Variants in MALRD1 observed in about 807,000 individuals in gnomAD.
MALRD1 encodes MAM and LDL receptor class A domain containing 1, also known as MAM and LDL-receptor class A domain-containing protein 1.
Under a neutral mutation model 242.1 loss-of-function variants are expected in MALRD1, and 247 were observed. The observed-to-expected ratio is 1.02, with a 90% CI of 0.92 to 1.13. The LOEUF is 1.13. Among genes scored for constraint, MALRD1 ranks in the 50% most tolerant of loss-of-function variants. The pLI, the probability that MALRD1 is intolerant of heterozygous loss-of-function variation, is 0.00. For missense variants in MALRD1, 2,989 were observed against 2,533.1 expected (o/e 1.18, Z -3.86); for synonymous variants, 995 against 866.6 (o/e 1.15, Z -2.60).
intron 2 of MALRD1, among the ~76,000 whole-genome samples, chr10:19,085,359 A>G (rs1174701823): frequency 1.3e-5 from 2 of 152,026 alleles, no homozygotes; most frequent in African/African-American, 4.8e-5. Context: ...AAGAAATTCT[A>G]TACTCATACT....
intron 31 of MALRD1, among the ~76,000 whole-genome samples, chr10:19,525,024 C>A (rs533656070): frequency 6.6e-6 from 1 of 152,032 alleles, no homozygotes; most frequent in South Asian, 2.1e-4. Flanking sequence ...CCTGCCTCAG[C>A]CTCCCAAGTA....
chr10:19,204,328 A>G lies in MALRD1; in HGVS notation c.2125A>G (p.Lys709Glu), dbSNP rs532161352. The G allele has an allele frequency of 1.8e-5, 28 of 1,531,336 alleles. No individual in the cohort carries two copies. Among genetic ancestry groups the G allele is most frequent in the South Asian group, 1.6e-4 (13 of 82,714 alleles). 94.9% of individuals were successfully genotyped at this position (1,531,336 alleles called of 1,614,324 possible). The change falls in exon 16 of 40, where the codon AAG becomes GAG. Residue 709 changes from lysine to glutamate, a missense_variant. Coordinates refer to ENST00000454679, the MANE Select transcript of MALRD1 (RefSeq NM_001142308.3). ...AACAGGGCATTTTATGTTCATTCTG[A>G]AGAAAAGCAGCAGCTTGTGGCAAGT... ...ASQGHFMFIL[K>E]KSSSLWQVAK...
intron 34 of MALRD1, among the ~76,000 whole-genome samples, chr10:19,604,152 A>G (rs549184706): frequency 7.9e-4 from 120 of 152,326 alleles, no homozygotes; most frequent in Admixed American, 1.7e-3. Context: ...GTGAATGTGA[A>G]GGAAAAATTC....
At chr10:19,256,056 A>G (rs890176646) in intron 18 of MALRD1, among the ~76,000 whole-genome samples, 1 of 152,088 alleles carries the variant, frequency 6.6e-6, no homozygotes, top group African/African-American at 2.4e-5. Flanking sequence ...TATATGTACA[A>G]CAGCTTCACT....
At chr10:19,677,282 G>A (rs1193507149) in intron 36 of MALRD1, among the ~76,000 whole-genome samples, 2 of 152,098 alleles carry the variant, frequency 1.3e-5, no homozygotes, top group African/African-American at 4.8e-5. Context: ...ATTCCCACCA[G>A]CAGTGTAAAA....
chr10:19,683,145 A>AG (rs11418207), intron 36 of MALRD1, among the ~76,000 whole-genome samples: 1 of 151,664 alleles, frequency 6.6e-6, no homozygotes, highest in Non-Finnish European at 1.5e-5. Flanking sequence ...AAAAAAAAAA[A>AG]GAAAGAAGTT....
Position 19,313,388 on chromosome 10 carries a change from T to A in MALRD1, c.3420-10561T>A, listed in dbSNP as rs1588894302. On this transcript the variant is annotated intron_variant, in intron 21 of 39. Coordinates refer to ENST00000454679, the MANE Select transcript of MALRD1 (RefSeq NM_001142308.3). ...TAAAGACTGATCTAAAATCTGTAAT[T>A]TAAAATTTTCATACATCTCAGATGT... is the stretch of plus-strand genomic sequence containing the variant. Among the ~76,000 whole-genome samples the A allele has an allele frequency of 2.6e-5, 4 of 151,604 alleles. No individual in the cohort carries two copies. The South Asian group carries it at 8.3e-4, about 31-fold the overall frequency.
intron 28 of MALRD1, among the ~76,000 whole-genome samples, chr10:19,417,796 A>G (rs1833566343): frequency 6.6e-6 from 1 of 152,172 alleles, no homozygotes; most frequent in Non-Finnish European, 1.5e-5. Context: ...ATTCAATACA[A>G]TGTAAAGATC....
chr10:19,366,040 A>G (rs888944316), intron 26 of MALRD1, among the ~76,000 whole-genome samples: 3 of 152,086 alleles, frequency 2.0e-5, no homozygotes, highest in Non-Finnish European at 4.4e-5. Flanking sequence ...GTTTCATGGA[A>G]GACAATTTTT....
Position 19,376,542 on chromosome 10 carries a change from C to CATTTTTTTTTT in MALRD1, c.4442-10986_4442-10985insATTTTTTTTTT, listed in dbSNP as rs1554842468. Among the ~76,000 whole-genome samples, 17 of 94,992 alleles carry CATTTTTTTTTT rather than the reference C, an allele frequency of 1.8e-4. 4 individuals are homozygous for CATTTTTTTTTT. The highest frequency in any genetic ancestry group is 4.8e-4 in the African/African-American group (12 of 25,250). The allele number at this position is 94,992 out of a possible 152,430, so 62.3% of individuals were successfully genotyped here. On this transcript the variant is annotated intron_variant, in intron 26 of 39. Transcript: ENST00000454679. ...TTGAAAGTCAAGGAGTTGATACATT[C>CATTTTTTTTTT]TTTTTTTTTTTTTTTTTTTTTTTTT...
chr10:19,191,658 T>C (rs1421661068), intron 14 of MALRD1, among the ~76,000 whole-genome samples: 1 of 152,110 alleles, frequency 6.6e-6, no homozygotes, highest in Admixed American at 6.6e-5. Flanking sequence ...TGTTATTTAG[T>C]CATAACAAGG....
chr10:19,049,225 A>G (rs1834414583), intron 1 of MALRD1, 88 bp downstream of exon 1: 8 of 1,076,674 alleles, frequency 7.4e-6, no homozygotes, highest in Non-Finnish European at 9.5e-6. Flanking sequence ...TTGGCTAGAT[A>G]CTTGGCTCTG....
At chr10:19,311,242 CT>C (rs1322602123) in intron 21 of MALRD1, among the ~76,000 whole-genome samples, 3 of 151,154 alleles carry the variant, frequency 2.0e-5, no homozygotes, top group Non-Finnish European at 3.0e-5. Flanking sequence ...AGATATGTTA[CT>C]TTTATTAACC....
chr10:19,203,271 A>G (rs900736145), intron 14 of MALRD1, among the ~76,000 whole-genome samples: 1 of 152,194 alleles, frequency 6.6e-6, no homozygotes, highest in Non-Finnish European at 1.5e-5. Context: ...TCTGGGGTAC[A>G]CATTGTATTA....
intron 26 of MALRD1, among the ~76,000 whole-genome samples, chr10:19,361,569 C>T (rs1591344): frequency 0.78 from 118,640 of 151,636 alleles, 46,971 homozygotes; most frequent in African/African-American, 0.9. Context: ...TTATGTGCTA[C>T]GTAACTAGGA....
intron 36 of MALRD1, among the ~76,000 whole-genome samples, chr10:19,653,888 C>T (rs565288480): frequency 6.6e-6 from 1 of 152,102 alleles, no homozygotes; most frequent in Non-Finnish European, 1.5e-5. Context: ...TTTGGGCACT[C>T]CTTTGCTGCT....
chr10:19,378,140 A>G (rs1845687692), intron 26 of MALRD1, among the ~76,000 whole-genome samples: 1 of 152,154 alleles, frequency 6.6e-6, no homozygotes, highest in African/African-American at 2.4e-5. Flanking sequence ...GAGGGCCAGT[A>G]TTAGATTTTA....
intron 21 of MALRD1, among the ~76,000 whole-genome samples, chr10:19,311,695 A>G (rs1842433493): frequency 6.6e-6 from 1 of 151,488 alleles, no homozygotes; most frequent in Non-Finnish European, 1.5e-5. Flanking sequence ...GCAATGATAT[A>G]ATTTTATGAA....
intron 36 of MALRD1, among the ~76,000 whole-genome samples, chr10:19,655,838 T>G (rs201461176): frequency 6.6e-5 from 10 of 151,962 alleles, no homozygotes; most frequent in African/African-American, 2.4e-4. Flanking sequence ...TGTATGGAAT[T>G]TGGGGACAGA....
Sources: gnomAD v4.1 joint callset for allele counts (sites outside exome capture counted in the v4.1 genomes callset) on GRCh38, gnomAD v4.1.1 for gene constraint, MANE v1.5 for transcripts, NCBI Gene and HGNC (gene_info 2026-07-23, HGNC 2026-07-21) for gene names.